Variants in BDNF observed in about 807,000 individuals in gnomAD.
The protein encoded by BDNF is neurotrophic factor BDNF precursor form.
A neutral mutation model predicts 19.5 loss-of-function variants in BDNF; 1 was observed. That is an observed-to-expected ratio of 0.05 (90% CI 0.02 to 0.24). The LOEUF (loss-of-function observed/expected upper bound fraction) is 0.24. Ranked by LOEUF, BDNF falls within the 10% of genes least tolerant of loss-of-function variation. BDNF has a pLI of 1.00. For synonymous variants in BDNF, 100 were observed against 121.6 expected (o/e 0.82, Z 1.17); for missense variants, 195 against 317.6 (o/e 0.61, Z 2.93).
At chr11:27,720,592 G>A (rs144821139) in intron 1 of BDNF, 1 of 985,560 alleles carries the variant, frequency 1.0e-6, no homozygotes, top group African/African-American at 1.7e-5. Flanking sequence ...CAGAAAAGAC[G>A]CTTTTTAAGG....
In BDNF at chr11:27,683,147, C is replaced by G. The variant is rs111612709; in HGVS notation, c.-22+17017G>C. Among the ~76,000 whole-genome samples, 743 of 152,320 alleles carry G rather than the reference C, an allele frequency of 4.9e-3. 5 individuals carry two copies. Among genetic ancestry groups the G allele is most frequent in the African/African-American group, 0.017 (713 of 41,576 alleles). The stretch of plus-strand genomic sequence containing the variant: ...CTCACTGTGGTTTTGATTTGCATTT[C>G]TCTAATGACCAGTGATGATGAGCTT... On this transcript the variant is annotated intron_variant, in intron 1 of 1. Transcript: ENST00000356660.
At chr11:27,720,586 A>C (rs890108070) in intron 1 of BDNF, 1 of 985,542 alleles carries the variant, frequency 1.0e-6, no homozygotes, top group Non-Finnish European at 1.2e-6. Flanking sequence ...GAACCTCAGA[A>C]AAGACGCTTT....
chr11:27,714,807 A>G (rs1384418858), intron 1 of BDNF, among the ~76,000 whole-genome samples: 4 of 152,142 alleles, frequency 2.6e-5, no homozygotes, highest in Non-Finnish European at 5.9e-5. Flanking sequence ...TTCTGAGAAC[A>G]TCTCTTTTGT....
Position 27,700,367 on chromosome 11 carries a change from G to A in BDNF, c.-225C>T, listed in dbSNP as rs1859763653. 1 of 985,438 alleles carries A rather than the reference G, an allele frequency of 1.0e-6. No individual in the cohort carries two copies. Among genetic ancestry groups the A allele is most frequent in the Non-Finnish European group, 1.2e-6 (1 of 829,950 alleles). 61.0% of individuals were successfully genotyped at this position (985,438 alleles called of 1,614,324 possible). ...GCTCCTCTGTCCGGCCCGGGAGCCCGAGGCGCTACGGGGTGCGCGGGACAG... is the reference window on the plus strand; with the variant it reads ...GCTCCTCTGTCCGGCCCGGGAGCCCAAGGCGCTACGGGGTGCGCGGGACAG... On this transcript the variant is annotated 5_prime_UTR_variant, in exon 1 of 2. Coordinates refer to ENST00000356660, the MANE Select transcript of BDNF (RefSeq NM_001709.5).
intron 1 of BDNF, among the ~76,000 whole-genome samples, chr11:27,712,036 C>T (rs1453453380): frequency 6.6e-6 from 1 of 152,138 alleles, no homozygotes; most frequent in African/African-American, 2.4e-5. Context: ...GCTTACCATA[C>T]CCTGGCCTTC....
chr11:27,704,635 C>T (rs536103451), upstream of BDNF, among the ~76,000 whole-genome samples: 20 of 152,240 alleles, frequency 1.3e-4, no homozygotes, highest in African/African-American at 4.6e-4. Flanking sequence ...AGGGAAAATA[C>T]TTAGTAAACA....
intron 1 of BDNF, chr11:27,699,735 C>T (rs1216216280): frequency 7.5e-7 from 1 of 1,340,900 alleles, no homozygotes; most frequent in African/African-American, 1.5e-5. Flanking sequence ...CAAGTCGGCG[C>T]GGGGACCACC....
intron 1 of BDNF, among the ~76,000 whole-genome samples, chr11:27,716,828 A>G (rs1860532399): frequency 6.6e-6 from 1 of 152,224 alleles, no homozygotes; most frequent in Admixed American, 6.5e-5. Flanking sequence ...TAACTGACAG[A>G]TTGTAAGCAA....
At chr11:27,704,108 T>C (rs1042595321), upstream of BDNF, among the ~76,000 whole-genome samples, 1 of 152,198 alleles carries the variant, frequency 6.6e-6, no homozygotes, top group African/African-American at 2.4e-5. Flanking sequence ...TTCTTAAAAA[T>C]TGGCCTCTGG....
intron 1 of BDNF, 148 bp downstream of exon 1, chr11:27,700,016 A>T (rs1266607160): frequency 2.5e-6 from 2 of 804,918 alleles, no homozygotes; most frequent in African/African-American, 3.7e-5. Context: ...ACTCCCCAAG[A>T]GTAACTCCAA....
intron 1 of BDNF, among the ~76,000 whole-genome samples, chr11:27,710,844 G>C (rs1487965566): frequency 6.6e-6 from 1 of 152,170 alleles, no homozygotes; most frequent in African/African-American, 2.4e-5. Context: ...ACTCTCAGAA[G>C]TCAACTAACT....
intron 1 of BDNF, among the ~76,000 whole-genome samples, chr11:27,716,796 T>C (rs1426880642): frequency 6.6e-6 from 1 of 152,170 alleles, no homozygotes; most frequent in Non-Finnish European, 1.5e-5. Context: ...TAATAAAAAA[T>C]ATGCTCAGTT....
chr11:27,678,827 C>G (rs759274443), intron 1 of BDNF, among the ~76,000 whole-genome samples: 1 of 152,180 alleles, frequency 6.6e-6, no homozygotes, highest in Non-Finnish European at 1.5e-5. Flanking sequence ...AAAAACTTCT[C>G]CTTTCCACAT....
upstream of BDNF, chr11:27,700,970 C>A (rs770209723): frequency 1.5e-6 from 2 of 1,360,172 alleles, no homozygotes; most frequent in Non-Finnish European, 2.0e-6. Flanking sequence ...CACAGACACA[C>A]CTTCCCGCAC....
exon 1 of BDNF, chr11:27,721,471 T>A: frequency 6.3e-7 from 1 of 1,599,456 alleles, no homozygotes; most frequent in African/African-American, 1.3e-5. Flanking sequence ...CCCCAACAGA[T>A]GCTGGAAGGT....
At chr11:27,674,410 C>A (rs1345898908) in intron 1 of BDNF, 95 of 1,463,148 alleles carry the variant, frequency 6.5e-5, no homozygotes, top group Non-Finnish European at 8.1e-5. Context: ...TGAATATGTT[C>A]TCCTAGCCAC....
intron 1 of BDNF, among the ~76,000 whole-genome samples, chr11:27,669,435 G>C (rs182530241): frequency 1.3e-4 from 20 of 152,232 alleles, no homozygotes; most frequent in African/African-American, 4.3e-4. Context: ...AGAAATAAAG[G>C]ATATTCAAAT....
chr11:27,685,825 G>GAA (rs373142762), intron 1 of BDNF, among the ~76,000 whole-genome samples: 9 of 151,428 alleles, frequency 5.9e-5, no homozygotes, highest in Middle Eastern at 3.4e-3. Flanking sequence ...CCAATTATGT[G>GAA]GTCAATTTTA....
chr11:27,679,945 G>A (rs1466438870), intron 1 of BDNF, among the ~76,000 whole-genome samples: 2 of 152,102 alleles, frequency 1.3e-5, no homozygotes, highest in African/African-American at 2.4e-5. Flanking sequence ...TAATTTTTAG[G>A]TTTCATTTTT....
Sources: gnomAD v4.1 joint callset for allele counts (sites outside exome capture counted in the v4.1 genomes callset) on GRCh38, gnomAD v4.1.1 for gene constraint, MANE v1.5 for transcripts, NCBI Gene and HGNC (gene_info 2026-07-23, HGNC 2026-07-21) for gene names.